The following COPB2 variants were observed in gnomAD, a reference collection of about 807,000 sequenced individuals.
The protein encoded by COPB2 is coatomer subunit beta'.
COPB2 carries 16 observed loss-of-function variants against 120.8 expected under a neutral mutation model. That is an observed-to-expected ratio of 0.13 (90% CI 0.09 to 0.20). The LOEUF is 0.20. COPB2 is among the 10% of genes least tolerant of loss of function. COPB2 has a pLI of 1.00. For missense variants in COPB2, 794 were observed against 1,076.5 expected, an observed-to-expected ratio of 0.74 and a Z score of 3.67; for synonymous variants, 332 against 366.3, an observed-to-expected ratio of 0.91 and a Z score of 1.07.
intron 8 of COPB2, 120 bp from the exon 9 acceptor site, chr3:139,373,532 CAT>C: frequency 1.3e-6 from 2 of 1,500,804 alleles, no homozygotes. Context: ...TTTAAATCTT[CAT>C]TGCTTAATGT....
rs533251544 is a variant in COPB2, at chr3:139,365,180, T to C, written c.1884+1388A>G. On this transcript the variant is annotated intron_variant, in intron 15 of 21. Transcript: ENST00000333188. The stretch of plus-strand genomic sequence containing the variant: ...TTTCCCATTAAAAAAGCTCATCTAA[T>C]AACTGGCAGAATTAATGAAAACTGA... 3.9e-5 allele frequency among the ~76,000 whole-genome samples: 6 copies of C among 152,202 alleles called. No homozygotes were observed. The South Asian group carries it at 1.2e-3, about 32-fold the overall frequency.
At position 139,368,179 on chromosome 3, in the gene COPB2, C is replaced by A. The variant is rs769385558; in HGVS notation, c.1511G>T (p.Gly504Val). 1.4e-5 allele frequency: 22 copies of A among 1,613,640 alleles called. No homozygotes were observed. The highest frequency in any genetic ancestry group is 1.8e-5 in the Non-Finnish European group (21 of 1,179,844). The change falls in exon 13 of 22, where the codon GGA becomes GTA. Residue 504 changes from glycine (G) to valine (V), a missense_variant. Physicochemically the swap from Gly to Val is moderately radical, Grantham distance 109 (BLOSUM62 -3). Around this residue, in one of 3 missense-constraint regions of COPB2, gnomAD observed 610 missense variants for 866.7 expected, o/e 0.70. Coordinates refer to ENST00000333188, the MANE Select transcript of COPB2 (RefSeq NM_004766.3). The stretch of plus-strand genomic sequence containing the variant: ...ATCTTCAATGCCATCTTCAGTAACT[C>A]CCTCATGTGTTTCCTGTGCAGCCAA... ...KVLAAQETHE[G>V]VTEDGIEDAF...
In COPB2 at chr3:139,389,532, C is replaced by G. The variant is rs1340525987; in HGVS notation, c.3+16G>C. On this transcript the variant is annotated intron_variant, in intron 1 of 21. Transcript: ENST00000333188. ...ACCTATGGGACCCCGCTCCCTTCTA[C>G]GGGATCTGGACCTACCATGGCTGCG... The G allele has an allele frequency of 6.4e-7, 1 of 1,560,010 alleles. No homozygotes were observed. The highest frequency in any genetic ancestry group is 1.4e-5 in the African/African-American group (1 of 73,434).
intron 13 of COPB2, among the ~76,000 whole-genome samples, chr3:139,367,745 C>G (rs991261896): frequency 6.6e-6 from 1 of 152,078 alleles, no homozygotes; most frequent in African/African-American, 2.4e-5. Flanking sequence ...TAAAAGAATA[C>G]TGATCTAAAC....
At chr3:139,360,449 C>A (rs1941394517) in intron 17 of COPB2, among the ~76,000 whole-genome samples, 1 of 138,704 alleles carries the variant, frequency 7.2e-6, no homozygotes, top group African/African-American at 2.7e-5. Context: ...ACGAGGGAGA[C>A]AGAGGCTGCA....
chr3:139,373,150 G>A, intron 9 of COPB2, 63 bp downstream of exon 9: 2 of 1,510,818 alleles, frequency 1.3e-6, no homozygotes, highest in Non-Finnish European at 1.8e-6. Context: ...AGAGTGGACT[G>A]TGGATCTGCA....
rs779696138 is a variant in COPB2 at position 139,383,330 on chromosome 3, C to T, written c.109G>A (p.Gly37Ser). 1 of 1,613,886 alleles carries T rather than the reference C, an allele frequency of 6.2e-7. No individual in the cohort carries two copies. Among genetic ancestry groups the T allele is most frequent in the Admixed American group, 1.7e-5 (1 of 60,002 alleles). Residue 37 changes from glycine (G) to serine (S), a missense_variant, in exon 2 of 22, where the codon GGC becomes AGC. Coordinates refer to ENST00000333188, the MANE Select transcript of COPB2 (RefSeq NM_004766.3). ...EPWMLASLYN[G>S]SVCVWNHETQ... ...TCATGATTCCAAACACACACACTGCCATTGTAAAGACTTGCCAACATCCAT... is the reference window on the plus strand; with the variant it reads ...TCATGATTCCAAACACACACACTGCTATTGTAAAGACTTGCCAACATCCAT...
chr3:139,370,914 C>T (rs190742797), intron 10 of COPB2, among the ~76,000 whole-genome samples: 59 of 152,288 alleles, frequency 3.9e-4, no homozygotes, highest in Non-Finnish European at 1.0e-4. Context: ...CAGAACAATT[C>T]CATACCTCTC....
At position 139,373,329 on chromosome 3, in the gene COPB2, G is replaced by A. The variant is rs191660526; in HGVS notation, c.978C>T (p.Asn326=). The part of the protein sequence containing the change: ...WAKHSEVQQA[N]LKAMGDAEIK... The stretch of plus-strand genomic sequence containing the variant: ...TTTCAGCATCTCCCATTGCTTTTAG[G>A]TTGGCCTGCTGGACTTCTGAATGCT... Residue 326 remains asparagine, a synonymous_variant, in exon 9 of 22, where the codon AAC becomes AAT. Transcript: ENST00000333188. 43 of 1,614,126 alleles carry A rather than the reference G, an allele frequency of 2.7e-5. No individual in the cohort carries two copies. In the East Asian group the frequency reaches 8.2e-4, roughly 31 times the overall value.
chr3:139,358,387 G>C, intron 20 of COPB2, 116 bp from the exon 21 acceptor site: 1 of 941,458 alleles, frequency 1.1e-6, no homozygotes, highest in African/African-American at 1.6e-5. Flanking sequence ...GTTTAAAAGT[G>C]AACCATCTCA....
intron 17 of COPB2, among the ~76,000 whole-genome samples, chr3:139,360,499 C>T (rs1576369258): frequency 9.0e-6 from 1 of 111,312 alleles, no homozygotes; most frequent in Non-Finnish European, 1.7e-5. Context: ...GCCTGGGCAA[C>T]AGAGTGAGAT....
chr3:139,372,644 C>A (rs544073786), intron 9 of COPB2, among the ~76,000 whole-genome samples: 2 of 152,198 alleles, frequency 1.3e-5, no homozygotes. Flanking sequence ...ATGCCCAGAC[C>A]TGCTGTAAAA....
intron 14 of COPB2, 40 bp from the exon 15 acceptor site, chr3:139,366,815 G>T (rs1465518171): frequency 6.3e-7 from 1 of 1,590,910 alleles, no homozygotes; most frequent in Non-Finnish European, 8.6e-7. Context: ...ATTCAAATCT[G>T]CAATTACACA....
rs575813500 is a variant in COPB2, at chr3:139,374,308, G to C, written c.751+181C>G. The C allele has an allele frequency of 2.9e-5, 16 of 558,380 alleles. 1 individual carries two copies. The South Asian group carries it at 3.7e-4, about 13-fold the overall frequency. The allele number at this position is 558,380 out of a possible 1,614,324, so 34.6% of individuals were successfully genotyped here. A position where few individuals can be genotyped will look rare whatever the true frequency, so the allele number is the denominator to read the frequency against. ...ACATGAGAATGATGACGATGATGAT[G>C]ATGATGATGATGATGATGATGAAAA... On this transcript the variant is annotated intron_variant, in intron 7 of 21. Coordinates refer to ENST00000333188, the MANE Select transcript of COPB2 (RefSeq NM_004766.3).
rs375242287 is a variant in COPB2 at position 139,378,027 on chromosome 3, T to C, written c.504+14A>G. ...ACTAATAATGATAACTGACACAAAA[T>C]GTGGATGCCCTACCTTGATAGTCCT... On this transcript the variant is annotated intron_variant, in intron 5 of 21. Transcript: ENST00000333188. 8.6e-5 allele frequency: 130 copies of C among 1,508,886 alleles called. No homozygotes were observed. Among genetic ancestry groups the C allele is most frequent in the Non-Finnish European group, 1.1e-4 (118 of 1,108,980 alleles). 93.5% of individuals were successfully genotyped at this position (1,508,886 alleles called of 1,614,324 possible).
chr3:139,363,400 G>C (rs1366010283), intron 15 of COPB2, among the ~76,000 whole-genome samples: 1 of 152,136 alleles, frequency 6.6e-6, no homozygotes, highest in African/African-American at 2.4e-5. Flanking sequence ...TCTAGGTTCT[G>C]TGCTCTTTAT....
At position 139,359,311 on chromosome 3, in the gene COPB2, A is replaced by C. The variant is rs1941365524; in HGVS notation, c.2262T>G (p.Ala754=). The C allele has an allele frequency of 6.2e-7, 1 of 1,614,114 alleles. No homozygotes were observed. Among genetic ancestry groups the C allele is most frequent in the African/African-American group, 1.3e-5 (1 of 74,938 alleles). ...LLIRTGRLPE[A]AFLARTYLPS... is the part of the protein sequence containing the mutation. Reference sequence around the variant, plus strand: ...GTAAGTAAGTTCGGGCCAAGAAGGCAGCTTCTGGCAGCCGTCCAGTTCTAA... The same window carrying C: ...GTAAGTAAGTTCGGGCCAAGAAGGCCGCTTCTGGCAGCCGTCCAGTTCTAA... The change falls in exon 18 of 22, where the codon GCT becomes GCG. Residue 754 remains alanine (A), a synonymous_variant. Transcript: ENST00000333188.
At chr3:139,372,141 G>A (rs1941634706) in intron 9 of COPB2, among the ~76,000 whole-genome samples, 1 of 152,192 alleles carries the variant, frequency 6.6e-6, no homozygotes, top group Admixed American at 6.5e-5. Context: ...TGCAAAGGAG[G>A]AGGATTCCAA....
Position 139,366,725 on chromosome 3 carries a change from C to A in COPB2, c.1727G>T (p.Gly576Val). ...GCTAATGATGTTCAATTCTTTATCC[C>A]CCAGATAAAGCCTGTTGTCTTTAGG... ...YIPKDNRLYLGDKELNIISYS... is the reference protein window; with the variant it reads ...YIPKDNRLYLVDKELNIISYS... Residue 576 changes from glycine (G) to valine (V), a missense_variant, in exon 15 of 22, where the codon GGG (glycine) becomes GTG (valine). Coordinates refer to ENST00000333188, the MANE Select transcript of COPB2 (RefSeq NM_004766.3). The A allele has an allele frequency of 6.2e-7, 1 of 1,613,974 alleles. No homozygotes were observed. The highest frequency in any genetic ancestry group is 8.5e-7 in the Non-Finnish European group (1 of 1,179,946).
Sources: gnomAD v4.1 joint callset for allele counts (sites outside exome capture counted in the v4.1 genomes callset) on GRCh38, gnomAD v4.1.1 for gene constraint, gnomAD v4.1.1 regional missense constraint, MANE v1.5 for transcripts, NCBI Gene and HGNC (gene_info 2026-07-23, HGNC 2026-07-21) for gene names.